The following CSGALNACT1 variants were observed in gnomAD, a reference collection of about 807,000 sequenced individuals.
The protein encoded by CSGALNACT1 is chondroitin sulfate N-acetylgalactosaminyltransferase 1, also known as beta4GalNAcT-1.
In CSGALNACT1, 52 loss-of-function variants were observed where a neutral mutation model predicts 51.0. That is an observed-to-expected ratio of 1.02 (90% CI 0.82 to 1.29). The LOEUF (loss-of-function observed/expected upper bound fraction) is 1.29. CSGALNACT1 is among the 50% of genes most tolerant of loss of function. The pLI is 0.00. For missense variants in CSGALNACT1, 935 were observed against 679.2 expected (o/e 1.38, Z -4.19); for synonymous variants, 341 against 254.4 (o/e 1.34, Z -3.24).
chr8:19,494,267 A>G (rs2075024157), intron 4 of CSGALNACT1, among the ~76,000 whole-genome samples: 1 of 152,030 alleles, frequency 6.6e-6, no homozygotes. Context: ...TGTTTTGCCC[A>G]TGTTAGTTAC....
intron 3 of CSGALNACT1, among the ~76,000 whole-genome samples, chr8:19,539,121 T>C (rs1466600557): frequency 6.6e-6 from 1 of 152,220 alleles, no homozygotes; most frequent in Non-Finnish European, 1.5e-5. Flanking sequence ...GATATACATA[T>C]ACCAAGTGAA....
At position 19,439,820 on chromosome 8, in the gene CSGALNACT1, T is replaced by G. The variant is rs758078714; in HGVS notation, c.953+10A>C. 1 of 1,600,540 alleles carries G rather than the reference T, an allele frequency of 6.2e-7. No individual in the cohort carries two copies. The highest frequency in any genetic ancestry group is 8.6e-7 in the Non-Finnish European group (1 of 1,167,846). On this transcript the variant is annotated intron_variant, in intron 6 of 9. Transcript: ENST00000454498. The stretch of plus-strand genomic sequence containing the variant: ...CAGGATTCCTTATGACAGCTCCGTA[T>G]TGTACTCACTTGGAAGTGTTTTCAA...
intron 3 of CSGALNACT1, among the ~76,000 whole-genome samples, chr8:19,561,927 G>A (rs916452931): frequency 4.0e-5 from 6 of 151,880 alleles, no homozygotes; most frequent in East Asian, 1.9e-4. Context: ...TTCAGCATGC[G>A]GCCTGATCAT....
chr8:19,410,723 T>C lies in CSGALNACT1; in HGVS notation c.1228-2029A>G, dbSNP rs1219066034. ...TCTGGCTTATGAGCTGGGGAGTGAG[T>C]TGTGTAAACATTTATTAAAGTCAGT... On this transcript the variant is annotated intron_variant, in intron 8 of 9. Transcript: ENST00000454498. Among the ~76,000 whole-genome samples the C allele has an allele frequency of 2.0e-5, 3 of 152,086 alleles. No homozygotes were observed. The South Asian group carries it at 6.2e-4, about 31-fold the overall frequency.
chr8:19,704,191 TG>T (rs1455769105), intron 1 of CSGALNACT1, among the ~76,000 whole-genome samples: 2 of 152,144 alleles, frequency 1.3e-5, no homozygotes, highest in Non-Finnish European at 2.9e-5. Flanking sequence ...CCCCAGTCCC[TG>T]GAAAAACAAG....
rs935240110 is a variant in CSGALNACT1 at position 19,414,294 on chromosome 8, G to A, written c.1227+4362C>T. 7.2e-5 allele frequency among the ~76,000 whole-genome samples: 11 copies of A among 152,264 alleles called. No individual in the cohort carries two copies. The Middle Eastern group carries it at 0.017, about 235-fold the overall frequency. On this transcript the variant is annotated intron_variant, in intron 8 of 9. Transcript: ENST00000454498. ...TCTGGCAGAGGGTGAACAAAAAACC[G>A]GAGTCTAGGGGAGGGAAGGAGGCTT...
At chr8:19,543,162 T>C (rs1240010689) in intron 3 of CSGALNACT1, among the ~76,000 whole-genome samples, 1 of 152,178 alleles carries the variant, frequency 6.6e-6, no homozygotes, top group Non-Finnish European at 1.5e-5. Flanking sequence ...AATCCCCAGA[T>C]ACTATCATTT....
At chr8:19,704,023 C>G (rs1228940133) in intron 1 of CSGALNACT1, among the ~76,000 whole-genome samples, 2 of 152,088 alleles carry the variant, frequency 1.3e-5, no homozygotes, top group African/African-American at 4.8e-5. Flanking sequence ...CTCAGTAAGC[C>G]TAACACACTA....
At chr8:19,654,144 AT>A (rs1398958941) in intron 1 of CSGALNACT1, among the ~76,000 whole-genome samples, 2 of 152,230 alleles carry the variant, frequency 1.3e-5, no homozygotes, top group African/African-American at 4.8e-5. Flanking sequence ...GGACCTCCAC[AT>A]TATGACATCG....
intron 1 of CSGALNACT1, among the ~76,000 whole-genome samples, chr8:19,739,242 C>CA (rs2064164787): frequency 6.6e-6 from 1 of 151,512 alleles, no homozygotes; most frequent in Admixed American, 6.6e-5. Flanking sequence ...TTTTAAGTCA[C>CA]AAAAAATAAT....
At chr8:19,513,198 C>G (rs1014340570) in intron 3 of CSGALNACT1, among the ~76,000 whole-genome samples, 1 of 151,964 alleles carries the variant, frequency 6.6e-6, no homozygotes, top group Non-Finnish European at 1.5e-5. Context: ...CAAGACCATG[C>G]ACTAGACACT....
intron 1 of CSGALNACT1, among the ~76,000 whole-genome samples, chr8:19,703,479 A>G (rs1327800384): frequency 1.3e-5 from 2 of 152,008 alleles, no homozygotes. Flanking sequence ...AATTTTCTGT[A>G]TTTTTAGTAC....
At chr8:19,611,690 C>T (rs1418156271) in intron 1 of CSGALNACT1, among the ~76,000 whole-genome samples, 1 of 152,194 alleles carries the variant, frequency 6.6e-6, no homozygotes, top group Non-Finnish European at 1.5e-5. Context: ...TGTATGCTGA[C>T]TCATACCTCT....
intron 1 of CSGALNACT1, among the ~76,000 whole-genome samples, chr8:19,734,287 C>T (rs889959723): frequency 2.6e-5 from 4 of 152,198 alleles, no homozygotes; most frequent in Non-Finnish European, 5.9e-5. Flanking sequence ...CAGCAAACTG[C>T]CACATAACTT....
At chr8:19,443,062 C>T (rs2061574413) in intron 5 of CSGALNACT1, among the ~76,000 whole-genome samples, 1 of 152,152 alleles carries the variant, frequency 6.6e-6, no homozygotes. Flanking sequence ...CTGACAAAAC[C>T]ACCATTCGGC....
exon 4 of CSGALNACT1, chr8:19,505,354 T>C: frequency 6.2e-7 from 1 of 1,614,112 alleles, no homozygotes; most frequent in Non-Finnish European, 8.5e-7. Context: ...GTAAGGCCAG[T>C]CTCCAGCTGG....
At chr8:19,551,286 A>G (rs1459861905) in intron 3 of CSGALNACT1, among the ~76,000 whole-genome samples, 1 of 152,172 alleles carries the variant, frequency 6.6e-6, no homozygotes. Flanking sequence ...GACCTCAGAG[A>G]GCCGGAAACT....
intron 8 of CSGALNACT1, among the ~76,000 whole-genome samples, chr8:19,410,924 T>A (rs1389357372): frequency 6.6e-6 from 1 of 152,210 alleles, no homozygotes; most frequent in Non-Finnish European, 1.5e-5. Flanking sequence ...AAGGACGCGC[T>A]CAATAGCAGT....
chr8:19,550,330 C>T (rs2087674592), intron 3 of CSGALNACT1, among the ~76,000 whole-genome samples: 1 of 152,062 alleles, frequency 6.6e-6, no homozygotes, highest in Admixed American at 6.6e-5. Context: ...TTAAAGTGAG[C>T]CTCTTGTATC....
Sources: gnomAD v4.1 joint callset for allele counts (sites outside exome capture counted in the v4.1 genomes callset) on GRCh38, gnomAD v4.1.1 for gene constraint, MANE v1.5 for transcripts, NCBI Gene and HGNC (gene_info 2026-07-23, HGNC 2026-07-21) for gene names.